The following SCHIP1 variants were observed in gnomAD, a reference collection of about 807,000 sequenced individuals.
The protein encoded by SCHIP1 is schwannomin-interacting protein 1.
A neutral mutation model predicts 29.7 loss-of-function variants in SCHIP1; 8 were observed. That is an observed-to-expected ratio of 0.27 (90% CI 0.16 to 0.49). The LOEUF is 0.49. Ranked by LOEUF, SCHIP1 falls within the 20% of genes least tolerant of loss-of-function variation. SCHIP1 has a pLI of 0.99. For missense variants in SCHIP1, 193 were observed against 294.6 expected (o/e 0.66, Z 2.52); for synonymous variants, 76 against 94.9 (o/e 0.80, Z 1.16).
the SCHIP1 span, among the ~76,000 whole-genome samples, chr3:159,304,714 G>C: frequency 5.3e-5 from 8 of 152,136 alleles, no homozygotes; most frequent in Admixed American, 1.3e-4. Flanking sequence ...GTTTGGATCT[G>C]TTTTCTTCTT....
chr3:159,733,537 T>C, the SCHIP1 span, among the ~76,000 whole-genome samples: 1 of 152,178 alleles, frequency 6.6e-6, no homozygotes, highest in African/African-American at 2.4e-5. Context: ...TTCCTCCTAG[T>C]TGAGTCAAGG....
chr3:159,287,650 A>G, the SCHIP1 span, among the ~76,000 whole-genome samples: 1 of 152,274 alleles, frequency 6.6e-6, no homozygotes, highest in African/African-American at 2.4e-5. Context: ...TACATATGCT[A>G]ACTCCTTTAA....
the SCHIP1 span, among the ~76,000 whole-genome samples, chr3:159,616,411 C>T: frequency 2.6e-5 from 4 of 152,124 alleles, no homozygotes; most frequent in Non-Finnish European, 4.4e-5. Context: ...CACAAGATGG[C>T]ATTCTGAGGC....
At chr3:159,572,745 G>A in the SCHIP1 span, among the ~76,000 whole-genome samples, 2 of 152,190 alleles carry the variant, frequency 1.3e-5, no homozygotes, top group African/African-American at 2.4e-5. Flanking sequence ...TTGTGTGGGA[G>A]TCTTAGCCTC....
the SCHIP1 span, among the ~76,000 whole-genome samples, chr3:159,827,358 T>G: frequency 6.6e-6 from 1 of 152,160 alleles, no homozygotes; most frequent in African/African-American, 2.4e-5. Flanking sequence ...AAAAAAGATT[T>G]AGGGACCCTT....
chr3:159,745,836 TATTA>T, the SCHIP1 span, among the ~76,000 whole-genome samples: 2 of 152,234 alleles, frequency 1.3e-5, no homozygotes, highest in Admixed American at 6.5e-5. Flanking sequence ...TATTTCTCTT[TATTA>T]GAGAGTAGAT....
chr3:159,665,529 G>T, the SCHIP1 span, among the ~76,000 whole-genome samples: 1 of 146,612 alleles, frequency 6.8e-6, no homozygotes, highest in Admixed American at 6.6e-5. Flanking sequence ...TGTTGTGGTG[G>T]TTTTTTGTTT....
At chr3:159,527,072 T>C in the SCHIP1 span, among the ~76,000 whole-genome samples, 37 of 152,320 alleles carry the variant, frequency 2.4e-4, no homozygotes, top group Non-Finnish European at 4.3e-4. Context: ...GCCTGGAAAA[T>C]GTGGTCACAA....
chr3:159,828,431 G>A, the SCHIP1 span, among the ~76,000 whole-genome samples: 172 of 53,336 alleles, frequency 3.2e-3, 16 homozygotes, highest in African/African-American at 9.4e-3. Context: ...ATATATATAC[G>A]TATATATACG....
At chr3:159,673,795 C>G in the SCHIP1 span, among the ~76,000 whole-genome samples, 1 of 151,966 alleles carries the variant, frequency 6.6e-6, no homozygotes, top group Non-Finnish European at 1.5e-5. Flanking sequence ...ACAACAACAA[C>G]AACAAAAAAC....
At chr3:159,669,073 C>A in the SCHIP1 span, among the ~76,000 whole-genome samples, 2 of 152,168 alleles carry the variant, frequency 1.3e-5, no homozygotes, top group African/African-American at 4.8e-5. Context: ...TGTTTAGGAG[C>A]AAGCCATGCC....
At chr3:159,627,100 A>C in the SCHIP1 span, among the ~76,000 whole-genome samples, 1 of 151,528 alleles carries the variant, frequency 6.6e-6, no homozygotes, top group East Asian at 1.9e-4. Flanking sequence ...TCATTGTTCA[A>C]CTCCCACTTA....
chr3:159,631,327 T>C, the SCHIP1 span, among the ~76,000 whole-genome samples: 2 of 152,184 alleles, frequency 1.3e-5, no homozygotes, highest in Non-Finnish European at 2.9e-5. Flanking sequence ...GGACCCATAA[T>C]TCCATTTCTA....
chr3:159,597,860 C>G, the SCHIP1 span, among the ~76,000 whole-genome samples: 1 of 152,150 alleles, frequency 6.6e-6, no homozygotes, highest in Non-Finnish European at 1.5e-5. Context: ...CTACCCATGA[C>G]TGGGTAATTT....
the SCHIP1 span, among the ~76,000 whole-genome samples, chr3:159,833,029 A>G: frequency 6.6e-6 from 1 of 152,204 alleles, no homozygotes; most frequent in Non-Finnish European, 1.5e-5. Flanking sequence ...CATGGTATGT[A>G]TAAGGTTCAG....
chr3:159,506,790 T>C, the SCHIP1 span, among the ~76,000 whole-genome samples: 2 of 152,114 alleles, frequency 1.3e-5, no homozygotes, highest in Non-Finnish European at 2.9e-5. Context: ...CGTGTGGTAT[T>C]ATTTCTGAGG....
the SCHIP1 span, among the ~76,000 whole-genome samples, chr3:159,825,255 A>G: frequency 1.2e-4 from 18 of 152,116 alleles, no homozygotes; most frequent in Non-Finnish European, 2.1e-4. Context: ...TAGTTACTGC[A>G]GTTGAGTAAG....
chr3:159,393,248 T>C, the SCHIP1 span, among the ~76,000 whole-genome samples: 44 of 152,342 alleles, frequency 2.9e-4, no homozygotes, highest in African/African-American at 1.0e-3. Context: ...GAAAATTTTC[T>C]CCCATTTTGT....
the SCHIP1 span, among the ~76,000 whole-genome samples, chr3:159,507,350 C>T: frequency 6.6e-6 from 1 of 152,186 alleles, no homozygotes; most frequent in Non-Finnish European, 1.5e-5. Context: ...TTGCTTATCT[C>T]TTAAGGAGAT....
Sources: gnomAD v4.1 joint callset for allele counts (sites outside exome capture counted in the v4.1 genomes callset) on GRCh38, gnomAD v4.1.1 for gene constraint, MANE v1.5 for transcripts, NCBI Gene and HGNC (gene_info 2026-07-23, HGNC 2026-07-21) for gene names.